HSF1: variants seen among roughly 807,000 people sequenced by gnomAD.
HSF1 encodes heat shock transcription factor 1.
HSF1 carries 32 observed loss-of-function variants against 51.7 expected under a neutral mutation model. The ratio of observed to expected loss-of-function variants is 0.62; its 90% CI spans 0.47 to 0.83. The LOEUF (loss-of-function observed/expected upper bound fraction) is 0.83, where lower values mean the gene tolerates loss of function less well. Among genes scored for constraint, HSF1 ranks in the 40% least tolerant of loss-of-function variants. The probability of loss-of-function intolerance (pLI) is 0.00; values close to 1 mark genes in which losing one functional copy is unlikely to be tolerated. For missense variants in HSF1, 727 were observed against 717.0 expected, an observed-to-expected ratio of 1.01 and a Z score of -0.16; for synonymous variants, 396 against 309.7, an observed-to-expected ratio of 1.28 and a Z score of -2.92.
At chr8:144,296,839 C>T (rs1429905573) in intron 1 of HSF1, among the ~76,000 whole-genome samples, 1 of 151,314 alleles carries the variant, frequency 6.6e-6, no homozygotes, top group Non-Finnish European at 1.5e-5. Context: ...CACATCTGTC[C>T]TCATACAGCT....
intron 4 of HSF1, 84 bp from the exon 5 acceptor site, chr8:144,311,090 G>C: frequency 7.8e-7 from 1 of 1,286,072 alleles, no homozygotes; most frequent in African/African-American, 1.5e-5. Flanking sequence ...GCTCCTGCAT[G>C]GGGGACAGGG....
In HSF1 at chr8:144,312,488, G is replaced by C; in HGVS notation, c.1142+244G>C. On this transcript the variant is annotated intron_variant, in intron 9 of 12. Transcript: ENST00000528838. ...GGCCCTGCTCTCAGCCACCCGTCCT[G>C]CTGCCGCCACCCTCGCCACAGGCCA... is the stretch of plus-strand genomic sequence containing the variant. 6.2e-6 allele frequency: 5 copies of C among 805,158 alleles called. 1 individual carries two copies. In the South Asian group the frequency reaches 8.0e-5, roughly 13 times the overall value. 49.9% of individuals were successfully genotyped at this position (805,158 alleles called of 1,614,324 possible).
chr8:144,311,589 G>C lies in HSF1; in HGVS notation c.711G>C (p.Ser237=), dbSNP rs377435416. The C allele has an allele frequency of 1.9e-6, 3 of 1,613,370 alleles. No homozygotes were observed. In the South Asian group the frequency reaches 3.3e-5, roughly 18 times the overall value. Residue 237 remains serine (S), a synonymous_variant, in exon 7 of 13, where the codon TCG becomes TCC. Transcript: ENST00000528838. ...TCTCCCTGGAGCACGTCCACGGCTC[G>C]GGCCCCTACTCGGTGAGTGCCGGAG... ...RQFSLEHVHG[S]GPYSAPSPAY...
At position 144,291,835 on chromosome 8, in the gene HSF1, G is replaced by C. The variant is rs1815106548; in HGVS notation, c.78G>C (p.Val26=). The change falls in exon 1 of 13, where the codon GTG becomes GTC. Residue 26 remains valine, a synonymous_variant. Transcript: ENST00000528838. This position sits in a 1 kb window ranked among gnomAD's most constrained non-coding sequence, Gnocchi z 4.1. ...PAFLTKLWTL[V]SDPDTDALIC... is the part of the protein sequence containing the mutation. ...TCCTGACCAAGCTGTGGACCCTCGT[G>C]AGCGACCCGGACACCGACGCGCTCA... 1.9e-6 allele frequency: 3 copies of C among 1,553,954 alleles called. No individual in the cohort carries two copies. The highest frequency in any genetic ancestry group is 2.6e-6 in the Non-Finnish European group (3 of 1,155,220).
In HSF1 at chr8:144,311,847, C is replaced by T. The variant is rs782698760; in HGVS notation, c.860+11C>T. ...GAGCATAGACGAGAGGTGGGGGCCG[C>T]ATCACCCCAGCCATCCTGTCCCCCA... On this transcript the variant is annotated intron_variant, in intron 8 of 12. Coordinates refer to ENST00000528838, the MANE Select transcript of HSF1 (RefSeq NM_005526.4). The T allele has an allele frequency of 1.9e-6, 3 of 1,596,166 alleles. No individual in the cohort carries two copies. Among genetic ancestry groups the T allele is most frequent in the East Asian group, 4.5e-5 (2 of 44,820 alleles).
Position 144,313,985 on chromosome 8 carries a change from A to G in HSF1, c.1315A>G (p.Ile439Val). Residue 439 changes from isoleucine (I) to valine (V), a missense_variant and splice_region_variant, in exon 12 of 13, where the codon ATC (isoleucine) becomes GTC (valine). Ile to Val is a conservative substitution (Grantham distance 29). Around this residue, in one of 2 missense-constraint regions of HSF1, gnomAD observed 470 missense variants for 398.8 expected, o/e 1.18. Coordinates refer to ENST00000528838, the MANE Select transcript of HSF1 (RefSeq NM_005526.4). ...LPDLDSSLASIQELLSPQEPP... is the reference protein window; with the variant it reads ...LPDLDSSLASVQELLSPQEPP... ...TCACAATACCGTCTCCACCCCACAG[A>G]TCCAAGAGCTCCTGTCTCCCCAGGA... 1.2e-6 allele frequency: 2 copies of G among 1,610,470 alleles called. No homozygotes were observed. Among genetic ancestry groups the G allele is most frequent in the Non-Finnish European group, 1.7e-6 (2 of 1,179,244 alleles).
At chr8:144,311,135 T>G (rs1554844261) in intron 4 of HSF1, 39 bp from the exon 5 acceptor site, 1 of 1,547,292 alleles carries the variant, frequency 6.5e-7, no homozygotes, top group Non-Finnish European at 8.8e-7. Flanking sequence ...CTGGGGCTCA[T>G]GGGATTGGGC....
chr8:144,305,866 G>A (rs1446450222), intron 1 of HSF1, among the ~76,000 whole-genome samples: 21 of 151,346 alleles, frequency 1.4e-4, no homozygotes, highest in African/African-American at 3.9e-4. Context: ...CTGAGTAGCC[G>A]GGATTACAGG....
intron 1 of HSF1, among the ~76,000 whole-genome samples, chr8:144,294,956 C>T (rs1018970093): frequency 6.6e-6 from 1 of 152,254 alleles, no homozygotes; most frequent in African/African-American, 2.4e-5. Flanking sequence ...AGCTTCTCAA[C>T]AGCTTCTCCC....
At chr8:144,305,871 T>TA (rs1335466045) in intron 1 of HSF1, among the ~76,000 whole-genome samples, 1 of 151,764 alleles carries the variant, frequency 6.6e-6, no homozygotes, top group East Asian at 1.9e-4. Flanking sequence ...TAGCCGGGAT[T>TA]ACAGGCATGA....
In HSF1 at chr8:144,314,155, C is replaced by T. The variant is rs1416052615; in HGVS notation, c.1415C>T (p.Pro472Leu). 2 of 1,548,484 alleles carry T rather than the reference C, an allele frequency of 1.3e-6. No homozygotes were observed. Among genetic ancestry groups the T allele is most frequent in the Non-Finnish European group, 1.7e-6 (2 of 1,146,538 alleles). ...CAGCTGGTGCACTACACAGCGCAGC[C>T]GCTGTTCCTGCTGGACCCCGGCTCC... ...GKQLVHYTAQ[P>L]LFLLDPGSVD... Residue 472 changes from proline to leucine, a missense_variant, in exon 13 of 13, where the codon CCG becomes CTG. Around this residue, in one of 2 missense-constraint regions of HSF1, gnomAD observed 470 missense variants for 398.8 expected, o/e 1.18. Coordinates refer to ENST00000528838, the MANE Select transcript of HSF1 (RefSeq NM_005526.4).
intron 4 of HSF1, chr8:144,310,951 C>A: frequency 1.7e-6 from 1 of 586,010 alleles, no homozygotes; most frequent in South Asian, 2.0e-5. Context: ...CAACACCCTA[C>A]GTGACACCAG....
intron 4 of HSF1, 30 bp downstream of exon 4, chr8:144,309,926 AGCGGGT>A: frequency 6.7e-7 from 1 of 1,500,560 alleles, no homozygotes; most frequent in East Asian, 2.5e-5. Context: ...TATGGGCCAC[AGCGGGT>A]CCTGGCGCCC....
chr8:144,301,003 T>C (rs548748729), intron 1 of HSF1, among the ~76,000 whole-genome samples: 6 of 152,360 alleles, frequency 3.9e-5, no homozygotes, highest in South Asian at 2.1e-4. Context: ...CAATGGAAAC[T>C]GTCCACAGTG....
intron 10 of HSF1, 88 bp downstream of exon 10, chr8:144,313,704 G>GCC (rs1401048262): frequency 2.6e-5 from 1 of 38,300 alleles, no homozygotes; most frequent in Non-Finnish European, 4.2e-5. Context: ...GCCTCCCCGC[G>GCC]CCGCCGCCCC....
intron 9 of HSF1, chr8:144,312,529 C>A: frequency 9.1e-7 from 1 of 1,101,718 alleles, no homozygotes; most frequent in Non-Finnish European, 1.3e-6. Context: ...CCTGGCAGGT[C>A]GTGCTGCCCA....
At chr8:144,292,837 C>G (rs1251309711) in intron 1 of HSF1, among the ~76,000 whole-genome samples, 2 of 152,190 alleles carry the variant, frequency 1.3e-5, no homozygotes, top group Non-Finnish European at 2.9e-5. Context: ...TGGTGCTTGC[C>G]TGTGGTCTTA....
Position 144,313,634 on chromosome 8 carries a change from G to T in HSF1, c.1248+18G>T, listed in dbSNP as rs1214899954. On this transcript the variant is annotated intron_variant, in intron 10 of 12. Coordinates refer to ENST00000528838, the MANE Select transcript of HSF1 (RefSeq NM_005526.4). ...TGCTGGACGTGAGTGGAGCCCCGCC[G>T]CCCCGCCTCCCCGCCCCGCCTCCCC... 1.7e-4 allele frequency: 98 copies of T among 568,744 alleles called. 1 individual carries two copies. Among genetic ancestry groups the T allele is most frequent in the Middle Eastern group, 5.3e-4 (1 of 1,894 alleles). 35.2% of individuals were successfully genotyped at this position (568,744 alleles called of 1,614,324 possible). A position where few individuals can be genotyped will look rare whatever the true frequency, so the allele number is the denominator to read the frequency against.
intron 7 of HSF1, 47 bp downstream of exon 7, chr8:144,311,648 G>C: frequency 6.2e-7 from 1 of 1,611,694 alleles, no homozygotes; most frequent in Non-Finnish European, 8.5e-7. Flanking sequence ...AGGCGGCAGT[G>C]GGGTGGGTTG....
Sources: gnomAD v4.1 joint callset for allele counts (sites outside exome capture counted in the v4.1 genomes callset) on GRCh38, gnomAD v4.1.1 for gene constraint, gnomAD v4.1.1 regional missense constraint, Gnocchi (gnomAD v3.1) non-coding constraint, MANE v1.5 for transcripts, NCBI Gene and HGNC (gene_info 2026-07-23, HGNC 2026-07-21) for gene names.